Variants in CBLB observed in about 807,000 individuals in gnomAD.
CBLB encodes E3 ubiquitin-protein ligase CBL-B.
CBLB carries 31 observed loss-of-function variants against 104.9 expected under a neutral mutation model. The ratio of observed to expected loss-of-function variants is 0.30; its 90% confidence interval spans 0.22 to 0.40. CBLB has a LOEUF of 0.40. Ranked by LOEUF, CBLB falls within the 10% of genes least tolerant of loss-of-function variation. The pLI is 1.00. For missense variants in CBLB, 1,062 were observed against 1,214.6 expected, an observed-to-expected ratio of 0.87 and a Z score of 1.87; for synonymous variants, 440 against 422.6, an observed-to-expected ratio of 1.04 and a Z score of -0.51.
intron 3 of CBLB, among the ~76,000 whole-genome samples, chr3:105,847,323 C>T (rs754258137): frequency 3.3e-5 from 5 of 151,714 alleles, no homozygotes; most frequent in Non-Finnish European, 7.4e-5. Context: ...TAAATACAGG[C>T]TAGCTTCTTC....
chr3:105,725,358 C>T (rs1016980688), intron 9 of CBLB, among the ~76,000 whole-genome samples: 1 of 152,130 alleles, frequency 6.6e-6, no homozygotes, highest in African/African-American at 2.4e-5. Flanking sequence ...ATTCTAAACA[C>T]TTTTTAAAAA....
chr3:105,834,472 C>G (rs1191097002), intron 3 of CBLB, among the ~76,000 whole-genome samples: 1 of 151,964 alleles, frequency 6.6e-6, no homozygotes, highest in Non-Finnish European at 1.5e-5. Flanking sequence ...CTGGCTAACA[C>G]GGTGAAACCC....
chr3:105,862,978 T>C (rs549453814), intron 2 of CBLB, among the ~76,000 whole-genome samples: 246 of 152,344 alleles, frequency 1.6e-3, no homozygotes, highest in Admixed American at 3.1e-3. Flanking sequence ...TTTTACTCTA[T>C]GGCATAGCTA....
At chr3:105,702,024 C>G (rs1272255917) in intron 12 of CBLB, 70 bp downstream of exon 12, 13 of 1,581,880 alleles carry the variant, frequency 8.2e-6, no homozygotes, top group Non-Finnish European at 1.1e-5. Context: ...ACTTCCCAAC[C>G]TTTTATGCTA....
intron 3 of CBLB, among the ~76,000 whole-genome samples, chr3:105,778,481 A>G (rs1189599101): frequency 6.6e-6 from 1 of 152,194 alleles, no homozygotes; most frequent in Non-Finnish European, 1.5e-5. Flanking sequence ...CCCATGATCA[A>G]AAGTGGGAAA....
chr3:105,684,127 G>A (rs1306369489), intron 14 of CBLB, among the ~76,000 whole-genome samples: 2 of 152,182 alleles, frequency 1.3e-5, no homozygotes, highest in East Asian at 1.9e-4. Flanking sequence ...AGTAAAGATG[G>A]CACAGATGAC....
In CBLB at chr3:105,693,489, C is replaced by T; in HGVS notation, c.2054+5G>A. The T allele has an allele frequency of 6.3e-7, 1 of 1,597,962 alleles. No homozygotes were observed. The highest frequency in any genetic ancestry group is 8.6e-7 in the Non-Finnish European group (1 of 1,165,888). Reference sequence around the variant, plus strand: ...CAAGTGATCTCCAAATTCAACAAAACTCACTTTATGCTAGGGAGGAGGGTG... The same window carrying T: ...CAAGTGATCTCCAAATTCAACAAAATTCACTTTATGCTAGGGAGGAGGGTG... On this transcript the variant is annotated splice_donor_5th_base_variant and intron_variant, in intron 13 of 18. Coordinates refer to ENST00000394030, the MANE Select transcript of CBLB (RefSeq NM_170662.5).
intron 12 of CBLB, among the ~76,000 whole-genome samples, chr3:105,695,404 C>T (rs980764515): frequency 1.3e-5 from 2 of 151,722 alleles, no homozygotes; most frequent in African/African-American, 2.4e-5. Flanking sequence ...TCATCTTGCA[C>T]ATTAGGTAAA....
intron 13 of CBLB, 27 bp downstream of exon 13, chr3:105,693,467 G>A (rs764326143): frequency 3.4e-6 from 5 of 1,467,056 alleles, no homozygotes; most frequent in South Asian, 2.3e-5. Flanking sequence ...GCATAGACAA[G>A]TGATCTCCAA....
At position 105,657,874 on chromosome 3, in the gene CBLB, C is replaced by A. The variant is rs2063451026; in HGVS notation, c.*1096G>T. ...ACAGTAGCCTTGACACTCAACAGTG[C>A]AACGAAGAGTTAATGTTTCCACTGC... On this transcript the variant is annotated 3_prime_UTR_variant, in exon 19 of 19. Transcript: ENST00000394030. The A allele has an allele frequency of 4.8e-6, 1 of 210,252 alleles. No homozygotes were observed. The highest frequency in any genetic ancestry group is 9.7e-6 in the Non-Finnish European group (1 of 103,564). 13.0% of individuals were successfully genotyped at this position (210,252 alleles called of 1,614,324 possible). A position where few individuals can be genotyped will look rare whatever the true frequency, so the allele number is the denominator to read the frequency against.
chr3:105,791,409 T>A (rs1464170545), intron 3 of CBLB, among the ~76,000 whole-genome samples: 1 of 152,248 alleles, frequency 6.6e-6, no homozygotes. Flanking sequence ...ATTCATCTGA[T>A]AAATATTTAG....
chr3:105,737,140 T>C (rs2075038674), intron 8 of CBLB, 31 bp downstream of exon 8: 2 of 1,149,444 alleles, frequency 1.7e-6, no homozygotes, highest in Admixed American at 3.6e-5. Flanking sequence ...GGATACTTAT[T>C]TAATTATACT....
At position 105,659,189 on chromosome 3, in the gene CBLB, C is replaced by CCAGGGTGT. The variant is rs2152659914; in HGVS notation, c.2729_2730insACACCCTG (p.Arg911HisfsTer42). 1 of 1,613,882 alleles carries CCAGGGTGT rather than the reference C, an allele frequency of 6.2e-7. No homozygotes were observed. The highest frequency in any genetic ancestry group is 1.1e-5 in the South Asian group (1 of 91,080). ...GGTGAATTTCTGGTGCAGTCCTGCG[C>CCAGGGTGT]GGTCGTGGTTTAGGGGGTCTGGCTG... is the stretch of plus-strand genomic sequence containing the variant. On this transcript the variant is annotated frameshift_variant, in exon 19 of 19. Transcript: ENST00000394030. LOFTEE classifies it high-confidence loss of function.
chr3:105,721,979 TTA>T (rs1282477827), intron 9 of CBLB, among the ~76,000 whole-genome samples: 2 of 151,842 alleles, frequency 1.3e-5, no homozygotes, highest in African/African-American at 4.8e-5. Flanking sequence ...ATAGTTTTAT[TTA>T]ACAGCAAGCT....
At chr3:105,691,706 GAGT>G (rs2067716069) in intron 13 of CBLB, among the ~76,000 whole-genome samples, 2 of 152,160 alleles carry the variant, frequency 1.3e-5, no homozygotes, top group Admixed American at 6.5e-5. Flanking sequence ...CTACTACCCA[GAGT>G]ATGTATAATT....
chr3:105,781,737 A>T (rs529499859), intron 3 of CBLB, among the ~76,000 whole-genome samples: 2 of 152,272 alleles, frequency 1.3e-5, no homozygotes, highest in Non-Finnish European at 2.9e-5. Context: ...ATTAGTAAAA[A>T]CTTTAAATGA....
At chr3:105,805,457 A>T (rs2083384128) in intron 3 of CBLB, among the ~76,000 whole-genome samples, 1 of 152,126 alleles carries the variant, frequency 6.6e-6, no homozygotes, top group Non-Finnish European at 1.5e-5. Context: ...GGCATGTGCC[A>T]TCACACTCAG....
intron 3 of CBLB, among the ~76,000 whole-genome samples, chr3:105,828,467 T>C (rs995386649): frequency 1.3e-5 from 2 of 152,180 alleles, no homozygotes; most frequent in Non-Finnish European, 2.9e-5. Flanking sequence ...TAAGTTAGAA[T>C]AAGATTTTTA....
In CBLB at chr3:105,737,196, G is replaced by T; in HGVS notation, c.1046C>A (p.Pro349His). ...PDLTGLCEPT[P>H]HDHIKVTQEQ... Reference sequence around the variant, plus strand: ...CTGTGTAACTTTTATATGGTCATGAGGTGTAGGTTCACATAATCCAGTTAA... The same window carrying T: ...CTGTGTAACTTTTATATGGTCATGATGTGTAGGTTCACATAATCCAGTTAA... The change falls in exon 8 of 19, where the codon CCT becomes CAT. Residue 349 changes from proline to histidine, a missense_variant. By Grantham distance (77) the Pro-to-His change is moderately conservative. Transcript: ENST00000394030. 6.3e-7 allele frequency: 1 copy of T among 1,586,632 alleles called. No homozygotes were observed. Among genetic ancestry groups the T allele is most frequent in the Non-Finnish European group, 8.6e-7 (1 of 1,157,494 alleles).
Sources: gnomAD v4.1 joint callset for allele counts (sites outside exome capture counted in the v4.1 genomes callset) on GRCh38, gnomAD v4.1.1 for gene constraint, MANE v1.5 for transcripts, NCBI Gene and HGNC (gene_info 2026-07-23, HGNC 2026-07-21) for gene names.